The following CTCFL variants were observed in gnomAD, a reference collection of about 807,000 sequenced individuals.
CTCFL encodes CCCTC-binding factor like, also known as transcriptional repressor CTCFL.
In CTCFL, 36 loss-of-function variants were observed where a neutral mutation model predicts 67.4. The observed-to-expected ratio is 0.53, with a 90% CI of 0.41 to 0.71. CTCFL has a LOEUF of 0.71. CTCFL is among the 30% of genes least tolerant of loss of function. CTCFL has a pLI of 0.00. For synonymous variants in CTCFL, 324 were observed against 302.3 expected (o/e 1.07, Z -0.75); for missense variants, 786 against 835.2 (o/e 0.94, Z 0.73).
Position 57,508,723 on chromosome 20 carries a change from G to C in CTCFL, c.1557C>G (p.Cys519Trp), listed in dbSNP as rs922040561. Residue 519 changes from cysteine to tryptophan, a missense_variant, in exon 9 of 11, where the codon TGC (cysteine) becomes TGG (tryptophan). By Grantham distance (215) the Cys-to-Trp change is radical (BLOSUM62 -2). Coordinates refer to ENST00000243914, the MANE Select transcript of CTCFL (RefSeq NM_001386993.1). The part of the protein sequence containing the change: ...TGEKPFTCLS[C>W]NKCFRQKQLL... ...GTTGCTTCTGTCGGAAACATTTATTGCAAGAAAGGCAGGTGAATGGTTTCT... is the reference window on the plus strand; with the variant it reads ...GTTGCTTCTGTCGGAAACATTTATTCCAAGAAAGGCAGGTGAATGGTTTCT... The C allele has an allele frequency of 3.1e-6, 5 of 1,614,172 alleles. No homozygotes were observed. Among genetic ancestry groups the C allele is most frequent in the Non-Finnish European group, 4.2e-6 (5 of 1,180,024 alleles).
At chr20:57,523,616 A>AT in intron 2 of CTCFL, 47 bp downstream of exon 2, 5 of 1,565,882 alleles carry the variant, frequency 3.2e-6, no homozygotes, top group Non-Finnish European at 4.3e-6. Flanking sequence ...GCCGACTTGA[A>AT]TTTTTTCTTT....
intron 7 of CTCFL, among the ~76,000 whole-genome samples, chr20:57,512,953 CCT>C (rs2068662897): frequency 6.6e-6 from 1 of 152,144 alleles, no homozygotes; most frequent in African/African-American, 2.4e-5. Context: ...GCCAGCAGCA[CCT>C]CTTTCTCCCC....
chr20:57,514,337 C>T (rs2068759900), intron 7 of CTCFL, among the ~76,000 whole-genome samples: 1 of 152,118 alleles, frequency 6.6e-6, no homozygotes, highest in African/African-American at 2.4e-5. Flanking sequence ...GAAGTAATAC[C>T]CATCTGTGAA....
intron 8 of CTCFL, among the ~76,000 whole-genome samples, 160 bp from the exon 9 acceptor site, chr20:57,508,948 C>T (rs2068380439): frequency 6.6e-6 from 1 of 152,198 alleles, no homozygotes; most frequent in South Asian, 2.1e-4. Context: ...AGCATTCACT[C>T]TCAGTAAGTG....
intron 9 of CTCFL, among the ~76,000 whole-genome samples, chr20:57,505,750 GAATAAAAGCCA>G (rs1334288024): frequency 6.6e-6 from 1 of 152,142 alleles, no homozygotes; most frequent in African/African-American, 2.4e-5. Context: ...CAACATTCAG[GAATAAAAGCCA>G]AAGACTTCCC....
chr20:57,501,372 G>A (rs2146282976), intron 10 of CTCFL, among the ~76,000 whole-genome samples: 1 of 151,770 alleles, frequency 6.6e-6, no homozygotes, highest in Middle Eastern at 3.4e-3. Flanking sequence ...CAGGCCTGCA[G>A]GGGTGAGTTG....
At chr20:57,515,240 G>A (rs1304952842) in intron 6 of CTCFL, 1 of 168,100 alleles carries the variant, frequency 5.9e-6, no homozygotes, top group African/African-American at 2.4e-5. Flanking sequence ...AACCTCCTGG[G>A]TTCAAGTGAT....
At chr20:57,514,486 A>C in intron 7 of CTCFL, 106 bp downstream of exon 7, 2 of 1,367,968 alleles carry the variant, frequency 1.5e-6, no homozygotes, top group Non-Finnish European at 2.0e-6. Flanking sequence ...AAGTTCCCGA[A>C]GACCGGGCCT....
At chr20:57,522,408 A>G (rs1157390951) in intron 3 of CTCFL, among the ~76,000 whole-genome samples, 2 of 152,248 alleles carry the variant, frequency 1.3e-5, no homozygotes, top group African/African-American at 4.8e-5. Context: ...AATTATTTTC[A>G]TAGGACAAAT....
Position 57,524,139 on chromosome 20 carries a change from G to C in CTCFL, c.67C>G (p.Pro23Ala). The change falls in exon 2 of 11, where the codon CCG (proline) becomes GCG (alanine). Residue 23 changes from proline to alanine, a missense_variant. Coordinates refer to ENST00000243914, the MANE Select transcript of CTCFL (RefSeq NM_001386993.1). ...FTKIKELELM[P>A]EKGLKEEEKD... The stretch of plus-strand genomic sequence containing the variant: ...TCCTCCTCCTTCAGGCCTTTTTCCG[G>C]CATCAACTCGAGTTCTTTGATCTTG... 1 of 1,613,444 alleles carries C rather than the reference G, an allele frequency of 6.2e-7. No individual in the cohort carries two copies. Among genetic ancestry groups the C allele is most frequent in the South Asian group, 1.1e-5 (1 of 91,060 alleles).
At chr20:57,499,644 T>A in intron 10 of CTCFL, 1 of 195,602 alleles carries the variant, frequency 5.1e-6, no homozygotes, top group South Asian at 1.0e-4. Context: ...GTAGAATCAG[T>A]GGGAGCCCTG....
chr20:57,507,988 G>C (rs1007197177), intron 9 of CTCFL: 1 of 634,708 alleles, frequency 1.6e-6, no homozygotes, highest in African/African-American at 1.8e-5. Context: ...TGTCTTTGAG[G>C]CCAGAGTGCA....
At chr20:57,509,036 C>A (rs1319155476) in intron 8 of CTCFL, among the ~76,000 whole-genome samples, 1 of 152,178 alleles carries the variant, frequency 6.6e-6, no homozygotes, top group Non-Finnish European at 1.5e-5. Flanking sequence ...GCTCTCCTGT[C>A]CTGTTGGGAT....
In CTCFL at chr20:57,498,171, A is replaced by G; in HGVS notation, c.*379T>C. 2 of 992,928 alleles carry G rather than the reference A, an allele frequency of 2.0e-6. No homozygotes were observed. The highest frequency in any genetic ancestry group is 9.2e-5 in the South Asian group (2 of 21,822). The allele number at this position is 992,928 out of a possible 1,614,324, so 61.5% of individuals were successfully genotyped here. A position where few individuals can be genotyped will look rare whatever the true frequency, so the allele number is the denominator to read the frequency against. ...TGGTCTAGACTATTTTGAAATATCCAAAAATCACTACTCACTCATTGTGGG... is the reference window on the plus strand; with the variant it reads ...TGGTCTAGACTATTTTGAAATATCCGAAAATCACTACTCACTCATTGTGGG... On this transcript the variant is annotated 3_prime_UTR_variant, in exon 11 of 11. Transcript: ENST00000243914.
chr20:57,511,846 G>T (rs1022526808), intron 8 of CTCFL, among the ~76,000 whole-genome samples: 1 of 152,154 alleles, frequency 6.6e-6, no homozygotes, highest in Non-Finnish European at 1.5e-5. Context: ...ACATGCCTCG[G>T]CCTCCCAAAG....
rs960528205 is a variant in CTCFL at position 57,524,841 on chromosome 20, G to C, written c.-12+187C>G. 6 of 776,902 alleles carry C rather than the reference G, an allele frequency of 7.7e-6. No homozygotes were observed. The African/African-American group carries it at 9.4e-5, about 12-fold the overall frequency. The allele number at this position is 776,902 out of a possible 1,614,324, so 48.1% of individuals were successfully genotyped here. On this transcript the variant is annotated intron_variant, in intron 1 of 10. Coordinates refer to ENST00000243914, the MANE Select transcript of CTCFL (RefSeq NM_001386993.1). Reference sequence around the variant, plus strand: ...GCCAGACCAAGCACACTCCCTCGGAGGCCTGGCAGGGCCCCTGCTTTACCC... The same window carrying C: ...GCCAGACCAAGCACACTCCCTCGGACGCCTGGCAGGGCCCCTGCTTTACCC...
At chr20:57,514,817 T>C in intron 6 of CTCFL, 76 bp from the exon 7 acceptor site, 3 of 1,497,776 alleles carry the variant, frequency 2.0e-6, no homozygotes, top group Non-Finnish European at 2.7e-6. Flanking sequence ...GAAAGTGTTT[T>C]TTTTTTTTGC....
At chr20:57,496,423 T>C (rs1053426325), downstream of CTCFL, 3 of 493,302 alleles carry the variant, frequency 6.1e-6, no homozygotes, top group South Asian at 3.3e-5. Context: ...TATTTCTTTA[T>C]AGCAATGTGA....
chr20:57,515,657 AGCTTG>A (rs757554657), intron 6 of CTCFL, 52 bp downstream of exon 6: 1 of 1,607,866 alleles, frequency 6.2e-7, no homozygotes, highest in South Asian at 1.1e-5. Flanking sequence ...AATTTTTTAA[AGCTTG>A]CTTTAAGAGT....
Sources: allele counts gnomAD v4.1 joint callset (sites outside exome capture counted in the v4.1 genomes callset), GRCh38; gene constraint gnomAD v4.1.1; transcripts MANE v1.5; gene names NCBI Gene and HGNC (gene_info 2026-07-23, HGNC 2026-07-21).